The following CFTR variants were observed in gnomAD, a reference collection of about 807,000 sequenced individuals.
CFTR encodes the protein cystic fibrosis transmembrane conductance regulator.
In CFTR, 181 loss-of-function variants were observed where a neutral mutation model predicts 171.6. The observed-to-expected ratio is 1.05, with a 90% CI of 0.93 to 1.19. The LOEUF (loss-of-function observed/expected upper bound fraction) is 1.19, where lower values mean the gene tolerates loss of function less well. Ranked by LOEUF, CFTR falls within the 50% of genes most tolerant of loss-of-function variation. CFTR has a pLI of 0.00. For synonymous variants in CFTR, 583 were observed against 608.0 expected (o/e 0.96, Z 0.60); for missense variants, 1,968 against 1,734.7 (o/e 1.13, Z -2.39).
chr7:117,579,421 ATTGCCTTAGTTAG>A (rs1791819272), intron 11 of CFTR, among the ~76,000 whole-genome samples: 1 of 151,918 alleles, frequency 6.6e-6, no homozygotes, highest in Non-Finnish European at 1.5e-5. Flanking sequence ...TTGTAGACAA[ATTGCCTTAGTTAG>A]AATCCTGGCT....
At chr7:117,620,708 G>A (rs1792561587) in intron 21 of CFTR, among the ~76,000 whole-genome samples, 1 of 152,154 alleles carries the variant, frequency 6.6e-6, no homozygotes, top group Non-Finnish European at 1.5e-5. Flanking sequence ...ACTGGTCTTT[G>A]TGCCCATCAT....
chr7:117,549,583 G>C (rs764300776), intron 10 of CFTR, among the ~76,000 whole-genome samples: 14 of 152,126 alleles, frequency 9.2e-5, no homozygotes, highest in Non-Finnish European at 1.9e-4. Context: ...AATCAAATTA[G>C]AGATGAGAAA....
At chr7:117,607,484 TG>T (rs1200681129) in intron 18 of CFTR, among the ~76,000 whole-genome samples, 1 of 152,084 alleles carries the variant, frequency 6.6e-6, no homozygotes. Context: ...AAGCTGTGGT[TG>T]TTGGACCAGG....
intron 1 of CFTR, among the ~76,000 whole-genome samples, chr7:117,483,394 T>A (rs943834375): frequency 6.6e-6 from 1 of 152,218 alleles, no homozygotes; most frequent in African/African-American, 2.4e-5. Flanking sequence ...CAGACTGGTC[T>A]CTTGGACTTG....
At chr7:117,509,955 G>A (rs995864849) in intron 3 of CFTR, among the ~76,000 whole-genome samples, 3 of 152,098 alleles carry the variant, frequency 2.0e-5, no homozygotes, top group Non-Finnish European at 4.4e-5. Context: ...GCCTCAGGGA[G>A]TTAAACAGTG....
At chr7:117,560,045 A>G (rs1316246995) in intron 11 of CFTR, among the ~76,000 whole-genome samples, 1 of 151,920 alleles carries the variant, frequency 6.6e-6, no homozygotes, top group Non-Finnish European at 1.5e-5. Context: ...TCCAAAAATT[A>G]TTAAGATTAT....
At chr7:117,553,546 T>G (rs967520245) in intron 10 of CFTR, among the ~76,000 whole-genome samples, 1 of 152,196 alleles carries the variant, frequency 6.6e-6, no homozygotes, top group Non-Finnish European at 1.5e-5. Context: ...AGTGCTGATT[T>G]CCCCACAGCA....
intron 7 of CFTR, 79 bp downstream of exon 7, chr7:117,536,752 T>G: frequency 8.5e-7 from 1 of 1,172,258 alleles, no homozygotes; most frequent in East Asian, 2.4e-5. Flanking sequence ...ATGGTAGACT[T>G]CCACCTCATA....
intron 23 of CFTR, among the ~76,000 whole-genome samples, chr7:117,646,929 A>G (rs1784495090): frequency 6.6e-6 from 1 of 152,000 alleles, no homozygotes; most frequent in African/African-American, 2.4e-5. Context: ...GTTGTAGTAT[A>G]AAAAGGTTGT....
chr7:117,614,207 G>T (rs1792448111), intron 20 of CFTR, among the ~76,000 whole-genome samples: 1 of 151,748 alleles, frequency 6.6e-6, no homozygotes, highest in African/African-American at 2.4e-5. Flanking sequence ...CCTGCTTTTG[G>T]TCTCTTTGTA....
rs1467591107 is a variant in CFTR, at chr7:117,606,786, G to T, written c.2988+33G>T. ...AAAATAAGTACCGTTAAGTATGTCT[G>T]TATTATTAAAAAAACAATAACAAAA... On this transcript the variant is annotated intron_variant, in intron 18 of 26. Coordinates refer to ENST00000003084, the MANE Select transcript of CFTR (RefSeq NM_000492.4). 8.7e-7 allele frequency: 1 copy of T among 1,144,508 alleles called. No homozygotes were observed. The highest frequency in any genetic ancestry group is 1.3e-6 in the Non-Finnish European group (1 of 753,884). 70.9% of individuals were successfully genotyped at this position (1,144,508 alleles called of 1,614,324 possible). A position where few individuals can be genotyped will look rare whatever the true frequency, so the allele number is the denominator to read the frequency against.
intron 1 of CFTR, among the ~76,000 whole-genome samples, chr7:117,482,273 C>T (rs898365849): frequency 2.6e-5 from 4 of 152,002 alleles, no homozygotes; most frequent in Non-Finnish European, 5.9e-5. Flanking sequence ...AGGATCCCTT[C>T]AGTTTGAGAG....
chr7:117,657,672 A>T (rs1043618021), intron 24 of CFTR, among the ~76,000 whole-genome samples: 2 of 152,208 alleles, frequency 1.3e-5, no homozygotes, highest in African/African-American at 4.8e-5. Flanking sequence ...GCAAACCAGG[A>T]TGTATGTCAT....
chr7:117,518,352 G>A (rs187809840), intron 3 of CFTR, among the ~76,000 whole-genome samples: 76 of 144,592 alleles, frequency 5.3e-4, no homozygotes, highest in Non-Finnish European at 4.5e-5. Context: ...TAATAATATA[G>A]TAATATTTAT....
intron 21 of CFTR, among the ~76,000 whole-genome samples, chr7:117,626,739 A>G (rs1212852113): frequency 6.6e-6 from 1 of 152,038 alleles, no homozygotes; most frequent in South Asian, 2.1e-4. Context: ...TTAAAATCAC[A>G]TTCCAAATTC....
chr7:117,548,477 A>G (rs112854680), intron 9 of CFTR, among the ~76,000 whole-genome samples, 164 bp from the exon 10 acceptor site: 65 of 152,206 alleles, frequency 4.3e-4, no homozygotes, highest in African/African-American at 1.4e-3. Context: ...ACCGTATGCT[A>G]TATAATTATG....
chr7:117,544,164 C>T (rs1799101055), intron 9 of CFTR, among the ~76,000 whole-genome samples: 1 of 152,142 alleles, frequency 6.6e-6, no homozygotes, highest in Non-Finnish European at 1.5e-5. Context: ...TTCCCTTTTC[C>T]TTTTGGTGAT....
At chr7:117,501,892 T>C (rs935665819) in intron 1 of CFTR, among the ~76,000 whole-genome samples, 1 of 151,594 alleles carries the variant, frequency 6.6e-6, no homozygotes, top group African/African-American at 2.4e-5. Flanking sequence ...TCATTGTATT[T>C]GAAAGGTGGA....
intron 24 of CFTR, among the ~76,000 whole-genome samples, chr7:117,662,773 A>G (rs1793312401): frequency 6.6e-6 from 1 of 152,168 alleles, no homozygotes; most frequent in South Asian, 2.1e-4. Flanking sequence ...AGAGTTGGTA[A>G]GGAGGAGAAT....
Sources: allele counts gnomAD v4.1 joint callset (sites outside exome capture counted in the v4.1 genomes callset), GRCh38; gene constraint gnomAD v4.1.1; transcripts MANE v1.5; gene names NCBI Gene and HGNC (gene_info 2026-07-23, HGNC 2026-07-21).